Variants in CYYR1 observed in about 807,000 individuals in gnomAD.
The protein encoded by CYYR1 is cysteine and tyrosine-rich protein 1.
CYYR1 carries 14 observed loss-of-function variants against 15.2 expected under a neutral mutation model. The observed-to-expected ratio is 0.92, with a 90% CI of 0.61 to 1.44. CYYR1 has a LOEUF of 1.44. Ranked by LOEUF, CYYR1 falls within the 40% of genes most tolerant of loss-of-function variation. The pLI is 0.00. For synonymous variants in CYYR1, 80 were observed against 77.4 expected (o/e 1.03, Z -0.18); for missense variants, 228 against 209.5 (o/e 1.09, Z -0.54).
At chr21:26,541,077 A>G (rs773907500) in intron 2 of CYYR1, among the ~76,000 whole-genome samples, 11 of 152,210 alleles carry the variant, frequency 7.2e-5, no homozygotes, top group Non-Finnish European at 1.5e-4. Context: ...ATCTCAATCA[A>G]AACTATATAA....
intron 3 of CYYR1, among the ~76,000 whole-genome samples, chr21:26,469,228 T>C (rs1050085996): frequency 6.6e-6 from 1 of 152,086 alleles, no homozygotes; most frequent in South Asian, 2.1e-4. Flanking sequence ...ACCAAGTCTT[T>C]AGGTGATGAC....
chr21:26,521,807 T>C (rs867340320), intron 2 of CYYR1, among the ~76,000 whole-genome samples: 22 of 152,192 alleles, frequency 1.4e-4, no homozygotes, highest in African/African-American at 5.3e-4. Flanking sequence ...AAAAGACAGA[T>C]AAAATATTTG....
chr21:26,468,341 G>A lies in CYYR1; in HGVS notation c.*160C>T, dbSNP rs753078419. 29 of 680,940 alleles carry A rather than the reference G, an allele frequency of 4.3e-5. No homozygotes were observed. The highest frequency in any genetic ancestry group is 6.4e-5 in the Non-Finnish European group (24 of 373,896). The allele number at this position is 680,940 out of a possible 1,614,324, so 42.2% of individuals were successfully genotyped here. A position where few individuals can be genotyped will look rare whatever the true frequency, so the allele number is the denominator to read the frequency against. On this transcript the variant is annotated 3_prime_UTR_variant, in exon 4 of 4. Transcript: ENST00000652641. ...CCAGATGGGGTCAGCTTTGAGCAGA[G>A]TAGAAATCCTATATCTCCTAGCAGG... is the stretch of plus-strand genomic sequence containing the variant.
At chr21:26,472,963 T>C (rs540475466) in intron 3 of CYYR1, among the ~76,000 whole-genome samples, 126 of 152,322 alleles carry the variant, frequency 8.3e-4, no homozygotes, top group Admixed American at 1.8e-3. Flanking sequence ...TCAAAGTTTA[T>C]TTTTTCTAAG....
At chr21:26,564,894 A>G (rs750195329) in intron 2 of CYYR1, 159 of 946,946 alleles carry the variant, frequency 1.7e-4, no homozygotes, top group Non-Finnish European at 2.1e-4. Context: ...GTTACTTTAA[A>G]TACTGCGAAG....
chr21:26,516,278 A>G (rs946453749), intron 2 of CYYR1, among the ~76,000 whole-genome samples: 1 of 152,222 alleles, frequency 6.6e-6, no homozygotes. Flanking sequence ...GCCCTTTGAA[A>G]GCCAACTTGA....
intron 2 of CYYR1, among the ~76,000 whole-genome samples, chr21:26,499,254 G>A (rs1218621083): frequency 2.0e-5 from 3 of 152,104 alleles, no homozygotes; most frequent in East Asian, 1.9e-4. Context: ...TAAATACAAC[G>A]ATGAGTATTT....
intron 2 of CYYR1, among the ~76,000 whole-genome samples, chr21:26,502,950 A>G (rs899376155): frequency 6.6e-6 from 1 of 152,120 alleles, no homozygotes; most frequent in African/African-American, 2.4e-5. Context: ...TCTGCCCTAT[A>G]GATGTGGTCT....
chr21:26,555,722 C>T (rs183540927), intron 2 of CYYR1, among the ~76,000 whole-genome samples: 64 of 152,164 alleles, frequency 4.2e-4, no homozygotes, highest in African/African-American at 1.4e-3. Flanking sequence ...TTATCATCAC[C>T]CTCTGAAATT....
At chr21:26,516,186 C>T (rs1450217644) in intron 2 of CYYR1, among the ~76,000 whole-genome samples, 1 of 152,180 alleles carries the variant, frequency 6.6e-6, no homozygotes, top group Non-Finnish European at 1.5e-5. Context: ...ATCACACATC[C>T]TTCCAAGAAG....
At chr21:26,530,535 C>A (rs540880934) in intron 2 of CYYR1, among the ~76,000 whole-genome samples, 3 of 151,960 alleles carry the variant, frequency 2.0e-5, no homozygotes, top group Non-Finnish European at 2.9e-5. Flanking sequence ...CATATGTATA[C>A]ACGTGCCATG....
intron 2 of CYYR1, among the ~76,000 whole-genome samples, chr21:26,540,585 C>A (rs1302876316): frequency 6.6e-6 from 1 of 152,080 alleles, no homozygotes; most frequent in African/African-American, 2.4e-5. Context: ...CCCAGCAGCC[C>A]ATCTAAGGCT....
intron 2 of CYYR1, among the ~76,000 whole-genome samples, chr21:26,542,250 GGA>G (rs1222115160): frequency 1.4e-5 from 2 of 142,974 alleles, no homozygotes; most frequent in Non-Finnish European, 3.0e-5. Context: ...GGGCGGGGCG[GGA>G]GAGAGAAAGA....
At chr21:26,562,751 CACACACACAG>C (rs1357105454) in intron 2 of CYYR1, among the ~76,000 whole-genome samples, 22 of 147,998 alleles carry the variant, frequency 1.5e-4, no homozygotes, top group South Asian at 1.3e-3. Flanking sequence ...CACACACACA[CACACACACAG>C]AGACATACAC....
intron 2 of CYYR1, among the ~76,000 whole-genome samples, chr21:26,508,429 G>A (rs913677933): frequency 6.6e-6 from 1 of 152,154 alleles, no homozygotes; most frequent in African/African-American, 2.4e-5. Context: ...TTGTGGGAAA[G>A]CTGAATTTGA....
intron 2 of CYYR1, among the ~76,000 whole-genome samples, chr21:26,505,162 A>G (rs2065538010): frequency 6.6e-6 from 1 of 152,242 alleles, no homozygotes; most frequent in Admixed American, 6.5e-5. Flanking sequence ...TCTGAAAGAA[A>G]ACATGGCCCC....
intron 2 of CYYR1, among the ~76,000 whole-genome samples, chr21:26,531,301 TC>T (rs1393568992): frequency 2.6e-5 from 4 of 152,152 alleles, no homozygotes; most frequent in Non-Finnish European, 4.4e-5. Flanking sequence ...GTTCTTCTCA[TC>T]CCGCGGCTGA....
At chr21:26,496,912 A>G (rs1255889746) in intron 2 of CYYR1, among the ~76,000 whole-genome samples, 1 of 152,190 alleles carries the variant, frequency 6.6e-6, no homozygotes, top group Admixed American at 6.5e-5. Flanking sequence ...TTAGTCATTT[A>G]TAACTTTTAT....
Position 26,572,980 on chromosome 21 carries a change from C to G in CYYR1, c.-40G>C. The G allele has an allele frequency of 6.2e-7, 1 of 1,613,074 alleles. No homozygotes were observed. Among genetic ancestry groups the G allele is most frequent in the Non-Finnish European group, 8.5e-7 (1 of 1,179,602 alleles). ...TGAGGCTTGGAGCGAAGGGAGAGCC[C>G]GGAACCGGAGGGAATGGGGAGGATG... On this transcript the variant is annotated 5_prime_UTR_variant, in exon 1 of 4. Transcript: ENST00000652641.
Sources: allele counts gnomAD v4.1 joint callset (sites outside exome capture counted in the v4.1 genomes callset), GRCh38; gene constraint gnomAD v4.1.1; transcripts MANE v1.5; gene names NCBI Gene and HGNC (gene_info 2026-07-23, HGNC 2026-07-21).